The following SLC26A5 variants were observed in gnomAD, a reference collection of about 807,000 sequenced individuals.
The protein encoded by SLC26A5 is solute carrier family 26 member 5, also known as prestin.
In SLC26A5, 51 loss-of-function variants were observed where a neutral mutation model predicts 81.0. The ratio of observed to expected loss-of-function variants is 0.63; its 90% CI spans 0.50 to 0.80. The LOEUF is 0.80. SLC26A5 is among the 30% of genes least tolerant of loss of function. SLC26A5 has a pLI of 0.00. For missense variants in SLC26A5, 771 were observed against 905.8 expected (o/e 0.85, Z 1.91); for synonymous variants, 325 against 332.8 (o/e 0.98, Z 0.25).
Position 103,407,920 on chromosome 7 carries a change from C to T in SLC26A5, c.819G>A (p.Leu273=). The change falls in exon 8 of 20, where the codon TTG becomes TTA. Residue 273 remains leucine, a synonymous_variant. Coordinates refer to ENST00000306312, the MANE Select transcript of SLC26A5 (RefSeq NM_198999.3). The part of the protein sequence containing the change: ...GVGLMVFGLL[L]GGKEFNERFK... The stretch of plus-strand genomic sequence containing the variant: ...ATCTCTCATTAAACTCCTTGCCACC[C>T]AACAGCAAACCAAAAACCATCAGCC... 6.2e-7 allele frequency: 1 copy of T among 1,614,186 alleles called. No individual in the cohort carries two copies. Among genetic ancestry groups the T allele is most frequent in the Non-Finnish European group, 8.5e-7 (1 of 1,180,040 alleles).
At chr7:103,422,988 A>C (rs1586358855) in intron 2 of SLC26A5, among the ~76,000 whole-genome samples, 1 of 139,790 alleles carries the variant, frequency 7.2e-6, no homozygotes, top group South Asian at 2.2e-4. Flanking sequence ...AAGGCCAGGC[A>C]TGGAGGCTCA....
intron 14 of SLC26A5, among the ~76,000 whole-genome samples, chr7:103,384,553 GT>G (rs1452120230): frequency 6.6e-5 from 10 of 151,992 alleles, no homozygotes; most frequent in African/African-American, 2.4e-4. Flanking sequence ...GGAGGTGGAG[GT>G]TGCAGTGAGC....
At chr7:103,395,554 G>A (rs1189988813) in intron 9 of SLC26A5, among the ~76,000 whole-genome samples, 3 of 123,468 alleles carry the variant, frequency 2.4e-5, no homozygotes, top group African/African-American at 6.3e-5. Context: ...ATGGTGTTTC[G>A]CTCTTGTTGC....
chr7:103,439,940 C>T (rs1252922295), intron 2 of SLC26A5, among the ~76,000 whole-genome samples: 2 of 152,192 alleles, frequency 1.3e-5, no homozygotes, highest in Non-Finnish European at 2.9e-5. Flanking sequence ...CCTTCACCAC[C>T]TTCCGGTCTA....
Position 103,392,928 on chromosome 7 carries a change from G to C in SLC26A5, c.1110C>G (p.Asp370Glu). ...TLANKHGYQV[D>E]GNQELIALGL... ...AACTGATTATCTTTACCTGATTGCC[G>C]TCAACCTGGTAGCCATGTTTATTTG... Residue 370 changes from aspartate to glutamate, a missense_variant, in exon 10 of 20, where the codon GAC (aspartate) becomes GAG (glutamate). Asp to Glu is a conservative substitution (Grantham distance 45, BLOSUM62 2). Coordinates refer to ENST00000306312, the MANE Select transcript of SLC26A5 (RefSeq NM_198999.3). 6.2e-7 allele frequency: 1 copy of C among 1,614,006 alleles called. No individual in the cohort carries two copies. The highest frequency in any genetic ancestry group is 8.5e-7 in the Non-Finnish European group (1 of 1,179,896).
chr7:103,389,137 G>C, intron 13 of SLC26A5, 23 bp from the exon 14 acceptor site: 2 of 1,545,126 alleles, frequency 1.3e-6, no homozygotes, highest in Non-Finnish European at 1.8e-6. Flanking sequence ...CAGAAAACTT[G>C]ATGGAGAACC....
At chr7:103,384,518 A>G (rs961627812) in intron 14 of SLC26A5, among the ~76,000 whole-genome samples, 8 of 151,992 alleles carry the variant, frequency 5.3e-5, no homozygotes, top group South Asian at 2.1e-4. Context: ...AGGATGAGGC[A>G]GAGGCAGAGA....
intron 14 of SLC26A5, chr7:103,388,779 G>C (rs1031612458): frequency 4.3e-6 from 2 of 468,364 alleles, no homozygotes; most frequent in African/African-American, 2.0e-5. Context: ...CCATTGATGG[G>C]AGCATAAATT....
chr7:103,372,649 T>G (rs976131386), downstream of SLC26A5, among the ~76,000 whole-genome samples: 1 of 152,218 alleles, frequency 6.6e-6, no homozygotes, highest in Non-Finnish European at 1.5e-5. Flanking sequence ...TATAATGAAC[T>G]GATAGCTGTT....
intron 8 of SLC26A5, among the ~76,000 whole-genome samples, chr7:103,402,439 G>A (rs1346194797): frequency 1.6e-5 from 2 of 121,932 alleles, no homozygotes; most frequent in Admixed American, 1.0e-4. Context: ...TCGCTCTGTT[G>A]CCCAGGCTGG....
At position 103,397,848 on chromosome 7, in the gene SLC26A5, T is replaced by C. The variant is rs370328179; in HGVS notation, c.971+84A>G. 253 of 1,014,884 alleles carry C rather than the reference T, an allele frequency of 2.5e-4. No individual in the cohort carries two copies. The East Asian group carries it at 4.8e-3, about 19-fold the overall frequency. 62.9% of individuals were successfully genotyped at this position (1,014,884 alleles called of 1,614,324 possible). A position where few individuals can be genotyped will look rare whatever the true frequency, so the allele number is the denominator to read the frequency against. Reference sequence around the variant, plus strand: ...TGTATAGAAAAAAGATTATTTTTCATTGCAAGAGAACTAATGTAAGAGTTA... The same window carrying C: ...TGTATAGAAAAAAGATTATTTTTCACTGCAAGAGAACTAATGTAAGAGTTA... On this transcript the variant is annotated intron_variant, in intron 9 of 19. Coordinates refer to ENST00000306312, the MANE Select transcript of SLC26A5 (RefSeq NM_198999.3).
chr7:103,377,898 G>C (rs1185902848), intron 17 of SLC26A5, 99 bp from the exon 18 acceptor site: 2 of 1,124,732 alleles, frequency 1.8e-6, no homozygotes, highest in African/African-American at 1.5e-5. Context: ...GTGTTCTTAA[G>C]CTACTGACTC....
At chr7:103,378,407 CA>C in intron 17 of SLC26A5, 38 bp downstream of exon 17, 1 of 1,581,022 alleles carries the variant, frequency 6.3e-7, no homozygotes, top group Non-Finnish European at 8.7e-7. Flanking sequence ...CATTGCAGAA[CA>C]AGACAGAACG....
Position 103,367,723 on chromosome 7 carries a change from A to G in SLC26A5, c.2041+9085T>C. On this transcript the variant is annotated intron_variant, in intron 19 of 19. Transcript: ENST00000339444. This position sits in a 1 kb window ranked among gnomAD's most constrained non-coding sequence, Gnocchi z 6.1. ...TTTTCTCATTTTTAGGGTCGGACCC[A>G]CATATTTAAGATTCACGCTCGTTCA... 13 of 1,613,472 alleles carry G rather than the reference A, an allele frequency of 8.1e-6. No individual in the cohort carries two copies. The highest frequency in any genetic ancestry group is 1.0e-5 in the Non-Finnish European group (12 of 1,179,798).
intron 19 of SLC26A5, among the ~76,000 whole-genome samples, chr7:103,365,883 G>C (rs896518645): frequency 6.6e-6 from 1 of 151,996 alleles, no homozygotes; most frequent in African/African-American, 2.4e-5. Context: ...AGCCGAGCTC[G>C]CACCACTGCA....
rs35936603 is a variant in SLC26A5, at chr7:103,359,138, C to CTTTTTTTTTTTTTTT, written c.2042-6227_2042-6213dup. On this transcript the variant is annotated intron_variant, in intron 19 of 19. Coordinates refer to the SLC26A5 transcript ENST00000339444. ...CAGGTGCATACCACCCCATGTCTGG[C>CTTTTTTTTTTTTTTT]TTTTTTTTTTTTTTTTTTTTTTTTT... is the stretch of plus-strand genomic sequence containing the variant. 4.8e-4 allele frequency among the ~76,000 whole-genome samples: 15 copies of CTTTTTTTTTTTTTTT among 31,332 alleles called. 1 individual carries two copies. The highest frequency in any genetic ancestry group is 6.3e-4 in the Non-Finnish European group (11 of 17,498). 20.6% of individuals were successfully genotyped at this position (31,332 alleles called of 152,430 possible).
At chr7:103,386,161 C>A (rs996407453) in intron 14 of SLC26A5, among the ~76,000 whole-genome samples, 1 of 151,882 alleles carries the variant, frequency 6.6e-6, no homozygotes, top group African/African-American at 2.4e-5. Flanking sequence ...GAACACCTGA[C>A]CTCAAATGAT....
At position 103,355,797 on chromosome 7, in the gene SLC26A5, T is replaced by C. The variant is rs374572482; in HGVS notation, c.2042-2871A>G. 171 of 1,602,356 alleles carry C rather than the reference T, an allele frequency of 1.1e-4. 1 individual carries two copies. The highest frequency in any genetic ancestry group is 3.3e-4 in the Middle Eastern group (2 of 6,056). On this transcript the variant is annotated intron_variant, in intron 19 of 19. Transcript: ENST00000339444. ...AACAGCCTTTACAGGTTGCCAGGTA[T>C]GCACGGGTGCTCTGTGGCAACTTAC...
At chr7:103,371,558 C>T (rs1821040256), downstream of SLC26A5, among the ~76,000 whole-genome samples, 2 of 151,848 alleles carry the variant, frequency 1.3e-5, no homozygotes. Context: ...ATCTCCTGAC[C>T]TCGTGATCTG....
Sources: allele counts gnomAD v4.1 joint callset (sites outside exome capture counted in the v4.1 genomes callset), GRCh38; gene constraint gnomAD v4.1.1; non-coding constraint Gnocchi (gnomAD v3.1); transcripts MANE v1.5; gene names NCBI Gene and HGNC (gene_info 2026-07-23, HGNC 2026-07-21).